PDZD2: variants seen among roughly 807,000 people sequenced by gnomAD.
PDZD2 encodes PDZ domain-containing protein 2.
PDZD2 carries 90 observed loss-of-function variants against 220.7 expected under a neutral mutation model. That is an observed-to-expected ratio of 0.41 (90% confidence interval 0.34 to 0.49). The LOEUF is 0.49. Ranked by LOEUF, PDZD2 falls within the 20% of genes least tolerant of loss-of-function variation. The probability of loss-of-function intolerance (pLI) is 0.28; values close to 1 mark genes in which losing one functional copy is unlikely to be tolerated. For synonymous variants in PDZD2, 1,375 were observed against 1,450.5 expected (o/e 0.95, Z 1.18); for missense variants, 3,174 against 3,608.5 (o/e 0.88, Z 3.08).
chr5:31,737,405 C>T (rs188801254), intron 1 of PDZD2, among the ~76,000 whole-genome samples: 1 of 152,020 alleles, frequency 6.6e-6, no homozygotes. Context: ...ATCTCCTGAC[C>T]TCGTGATCCG....
Position 32,077,558 on chromosome 5 carries a change from G to C in PDZD2, c.3634G>C (p.Glu1212Gln). 6.2e-7 allele frequency: 1 copy of C among 1,614,152 alleles called. No individual in the cohort carries two copies. The highest frequency in any genetic ancestry group is 8.5e-7 in the Non-Finnish European group (1 of 1,180,022). Reference sequence around the variant, plus strand: ...CCATCTGGATGCCAGCCACCTCACAGAGAACCTGCCCAAAGCTGCATCAGA... The same window carrying C: ...CCATCTGGATGCCAGCCACCTCACACAGAACCTGCCCAAAGCTGCATCAGA... Reference protein sequence around the residue: ...LSHLDASHLTENLPKAASELG... With the variant: ...LSHLDASHLTQNLPKAASELG... The change falls in exon 19 of 25, where the codon GAG becomes CAG. Residue 1212 changes from glutamate to glutamine, a missense_variant. Transcript: ENST00000438447.
chr5:31,954,222 T>G (rs1561178150), intron 2 of PDZD2, among the ~76,000 whole-genome samples: 1 of 152,228 alleles, frequency 6.6e-6, no homozygotes, highest in Non-Finnish European at 1.5e-5. Flanking sequence ...TTTTGTTTTT[T>G]GTTTTTTACA....
chr5:31,726,470 A>T (rs1476190907), intron 1 of PDZD2, among the ~76,000 whole-genome samples: 1 of 152,238 alleles, frequency 6.6e-6, no homozygotes, highest in African/African-American at 2.4e-5. Context: ...TGGACGTTGC[A>T]GTAAGCCAAG....
At chr5:32,082,441 A>G (rs955973712) in intron 19 of PDZD2, among the ~76,000 whole-genome samples, 5 of 152,150 alleles carry the variant, frequency 3.3e-5, no homozygotes, top group Non-Finnish European at 7.3e-5. Context: ...TTAAGCACAC[A>G]GGGGCATACG....
chr5:31,770,866 T>C (rs553297292), intron 1 of PDZD2, among the ~76,000 whole-genome samples: 1 of 152,316 alleles, frequency 6.6e-6, no homozygotes, highest in African/African-American at 2.4e-5. Context: ...CTCTAGGTCT[T>C]ATCTTCTGTC....
chr5:32,096,202 CCT>C (rs1743675098), intron 21 of PDZD2, among the ~76,000 whole-genome samples: 1 of 152,176 alleles, frequency 6.6e-6, no homozygotes, highest in African/African-American at 2.4e-5. Context: ...GCTTAGTCAA[CCT>C]CTTTCTCCCC....
chr5:31,765,977 A>C (rs893667087), intron 1 of PDZD2, among the ~76,000 whole-genome samples: 4 of 152,156 alleles, frequency 2.6e-5, no homozygotes, highest in African/African-American at 9.7e-5. Context: ...TCAAGGGTTC[A>C]AGACCAGCCT....
intron 6 of PDZD2, among the ~76,000 whole-genome samples, chr5:32,014,121 A>C (rs1753542326): frequency 6.6e-6 from 1 of 152,188 alleles, no homozygotes. Flanking sequence ...AAATGAAAGG[A>C]CCACTTAAAG....
chr5:31,950,791 C>T lies in PDZD2; in HGVS notation c.477-32364C>T, dbSNP rs114536418. ...CTTTTTCCTAATCCCCAGTCTCTGG[C>T]AACCATGATATATACTCTCTTCCTA... On this transcript the variant is annotated intron_variant, in intron 2 of 24. Coordinates refer to ENST00000438447, the MANE Select transcript of PDZD2 (RefSeq NM_178140.4). Among the ~76,000 whole-genome samples, 880 of 152,314 alleles carry T rather than the reference C, an allele frequency of 5.8e-3. 4 individuals are homozygous for T. Among genetic ancestry groups the T allele is most frequent in the Middle Eastern group, 0.034 (10 of 294 alleles).
chr5:31,823,837 C>A (rs569604529), intron 2 of PDZD2, among the ~76,000 whole-genome samples: 1 of 152,202 alleles, frequency 6.6e-6, no homozygotes, highest in South Asian at 2.1e-4. Context: ...TAATGAAGAC[C>A]CAAAGAAGCA....
At chr5:31,698,440 CAA>C (rs371319785) in intron 1 of PDZD2, among the ~76,000 whole-genome samples, 1 of 147,310 alleles carries the variant, frequency 6.8e-6, no homozygotes. Flanking sequence ...CTAAAAAATA[CAA>C]AAAAAAATTA....
chr5:31,864,411 C>T (rs1000309900), intron 2 of PDZD2, among the ~76,000 whole-genome samples: 2 of 152,196 alleles, frequency 1.3e-5, no homozygotes, highest in African/African-American at 2.4e-5. Context: ...CTGTTTCCTG[C>T]TGGACTCTGA....
chr5:32,089,908 G>T lies in PDZD2; in HGVS notation c.6460G>T (p.Ala2154Ser), dbSNP rs528663964. The change falls in exon 20 of 25, where the codon GCA (alanine) becomes TCA (serine). Residue 2154 changes from alanine to serine, a missense_variant. By Grantham distance (99) the Ala-to-Ser change is moderately conservative (BLOSUM62 1). Around this residue, in one of 4 missense-constraint regions of PDZD2, gnomAD observed 1,861 missense variants for 2,001.0 expected, o/e 0.93. Coordinates refer to ENST00000438447, the MANE Select transcript of PDZD2 (RefSeq NM_178140.4). ...PSSLPSHASQAEQEMSRSFSM... is the reference protein window; with the variant it reads ...PSSLPSHASQSEQEMSRSFSM... Reference sequence around the variant, plus strand: ...CTCACTCCCATCTCATGCCTCCCAGGCAGAGCAGGAAATGTCACGATCATT... The same window carrying T: ...CTCACTCCCATCTCATGCCTCCCAGTCAGAGCAGGAAATGTCACGATCATT... The T allele has an allele frequency of 2.5e-6, 4 of 1,612,770 alleles. No individual in the cohort carries two copies. In the Admixed American group the frequency reaches 6.7e-5, roughly 27 times the overall value.
intron 2 of PDZD2, among the ~76,000 whole-genome samples, chr5:31,826,097 G>C (rs554955000): frequency 2.2e-3 from 328 of 152,242 alleles, no homozygotes; most frequent in Admixed American, 4.4e-3. Context: ...TATTTGGTAC[G>C]GGGGTATAAA....
In PDZD2 at chr5:32,089,680, A is replaced by G; in HGVS notation, c.6232A>G (p.Ile2078Val). The change falls in exon 20 of 25, where the codon ATA becomes GTA. Residue 2078 changes from isoleucine to valine, a missense_variant. This residue lies in a region of PDZD2 where 1,861 missense variants were observed against 2,001.0 expected (regional missense o/e 0.93). Transcript: ENST00000438447. The part of the protein sequence containing the change: ...PRPTGEKGGN[I>V]MASDRLERTN... ...GCCGACTGGCGAAAAAGGAGGCAAC[A>G]TAATGGCCAGCGATCGCCTCGAAAG... 1.9e-6 allele frequency: 3 copies of G among 1,614,238 alleles called. No homozygotes were observed. Among genetic ancestry groups the G allele is most frequent in the Non-Finnish European group, 2.5e-6 (3 of 1,180,046 alleles).
chr5:32,047,548 A>G (rs185344924), intron 7 of PDZD2, among the ~76,000 whole-genome samples: 3 of 152,240 alleles, frequency 2.0e-5, no homozygotes, highest in African/African-American at 7.2e-5. Context: ...AAGAAGAAGA[A>G]AAAGAATACG....
chr5:31,861,872 C>G (rs1737737753), intron 2 of PDZD2, among the ~76,000 whole-genome samples: 1 of 151,978 alleles, frequency 6.6e-6, no homozygotes, highest in Non-Finnish European at 1.5e-5. Context: ...CTGTTTGTTC[C>G]TGTATTTTCC....
At chr5:31,859,465 A>G (rs1485813023) in intron 2 of PDZD2, among the ~76,000 whole-genome samples, 1 of 152,132 alleles carries the variant, frequency 6.6e-6, no homozygotes, top group Non-Finnish European at 1.5e-5. Context: ...TATGTCTGTC[A>G]TCATATTTGT....
intron 8 of PDZD2, among the ~76,000 whole-genome samples, chr5:32,050,389 G>T (rs974925758): frequency 2.6e-5 from 4 of 152,172 alleles, no homozygotes; most frequent in African/African-American, 9.7e-5. Flanking sequence ...GGGAAGCCCA[G>T]GCCAGGGTAG....
Sources: gnomAD v4.1 joint callset for allele counts (sites outside exome capture counted in the v4.1 genomes callset) on GRCh38, gnomAD v4.1.1 for gene constraint, gnomAD v4.1.1 regional missense constraint, MANE v1.5 for transcripts, NCBI Gene and HGNC (gene_info 2026-07-23, HGNC 2026-07-21) for gene names.